Variants in GRID1 observed in about 807,000 individuals in gnomAD.
GRID1 encodes the protein glutamate ionotropic receptor delta type subunit 1, also known as glutamate receptor ionotropic, delta-1.
GRID1 carries 28 observed loss-of-function variants against 98.0 expected under a neutral mutation model. That is an observed-to-expected ratio of 0.29 (90% CI 0.21 to 0.39). The LOEUF is 0.39. GRID1 is among the 10% of genes least tolerant of loss of function. The pLI, the probability that GRID1 is intolerant of heterozygous loss-of-function variation, is 1.00. For missense variants in GRID1, 1,111 were observed against 1,340.5 expected, an observed-to-expected ratio of 0.83 and a Z score of 2.67; for synonymous variants, 553 against 538.5, an observed-to-expected ratio of 1.03 and a Z score of -0.37.
intron 4 of GRID1, among the ~76,000 whole-genome samples, chr10:85,934,413 GACACACACACACACAC>G (rs5786728): frequency 1.6e-4 from 23 of 141,506 alleles, no homozygotes; most frequent in African/African-American, 3.9e-4. Flanking sequence ...GCAGAGATTG[GACACACACACACACAC>G]ACACACACAC....
intron 4 of GRID1, among the ~76,000 whole-genome samples, chr10:86,026,404 A>G (rs2131890061): frequency 6.6e-6 from 1 of 152,334 alleles, no homozygotes; most frequent in East Asian, 1.9e-4. Context: ...CTGAACATAT[A>G]AATGATTTTC....
rs900922905 is a variant in GRID1, at chr10:85,939,890, A to C, written c.727-23651T>G. Among the ~76,000 whole-genome samples the C allele has an allele frequency of 3.9e-5, 6 of 152,012 alleles. No homozygotes were observed. In the South Asian group the frequency reaches 1.0e-3, roughly 26 times the overall value. ...AGACCAGCCTGGCCAACATGGTGAA[A>C]TCCCATCTCTACTAAAAATACAAAA... On this transcript the variant is annotated intron_variant, in intron 4 of 15. Transcript: ENST00000327946.
rs1160624788 is a variant in GRID1, at chr10:86,276,910, C to A, written c.236-70262G>T. On this transcript the variant is annotated intron_variant, in intron 2 of 15. Transcript: ENST00000327946. ...CTCAAGAGTTCTAAATCCAGCAATA[C>A]TGTCCTTTTTCAAAAGAGAGAGCCA... Among the ~76,000 whole-genome samples, 2 of 152,046 alleles carry A rather than the reference C, an allele frequency of 1.3e-5. 1 individual carries two copies. Among genetic ancestry groups the A allele is most frequent in the Admixed American group, 1.3e-4 (2 of 15,278 alleles).
In GRID1 at chr10:86,306,123, G is replaced by A. The variant is rs79859395; in HGVS notation, c.235+57818C>T. Among the ~76,000 whole-genome samples the A allele has an allele frequency of 7.2e-5, 11 of 152,324 alleles. No individual in the cohort carries two copies. The East Asian group carries it at 9.6e-4, about 13-fold the overall frequency. On this transcript the variant is annotated intron_variant, in intron 2 of 15. Transcript: ENST00000327946. Reference sequence around the variant, plus strand: ...AGAGGAGGAAAAGCCTTCAGGGATCGTTCCATCAAAACCCTTTAGTCAAGG... The same window carrying A: ...AGAGGAGGAAAAGCCTTCAGGGATCATTCCATCAAAACCCTTTAGTCAAGG...
intron 4 of GRID1, among the ~76,000 whole-genome samples, chr10:86,131,456 T>A (rs1301909653): frequency 6.6e-6 from 1 of 152,150 alleles, no homozygotes; most frequent in Non-Finnish European, 1.5e-5. Context: ...GAGCTGACAC[T>A]CTGCTCCGCT....
In GRID1 at chr10:85,713,277, T is replaced by G. The variant is rs910866275; in HGVS notation, c.1997+9726A>C. On this transcript the variant is annotated intron_variant, in intron 12 of 15. Coordinates refer to ENST00000327946, the MANE Select transcript of GRID1 (RefSeq NM_017551.3). ...GTCATAAGAGAACACTATAAACAAT[T>G]TTTCAACAGCAAACTGAATAATTTC... is the stretch of plus-strand genomic sequence containing the variant. 2.0e-5 allele frequency among the ~76,000 whole-genome samples: 3 copies of G among 151,732 alleles called. No homozygotes were observed. The East Asian group carries it at 5.8e-4, about 29-fold the overall frequency.
intron 2 of GRID1, among the ~76,000 whole-genome samples, chr10:86,331,440 T>C (rs1848141146): frequency 6.6e-6 from 1 of 152,174 alleles, no homozygotes; most frequent in Non-Finnish European, 1.5e-5. Flanking sequence ...CAGAGCAGTA[T>C]GTGGGCTTGG....
chr10:86,305,693 T>C (rs368047934), intron 2 of GRID1, among the ~76,000 whole-genome samples: 13 of 152,144 alleles, frequency 8.5e-5, no homozygotes, highest in African/African-American at 2.9e-4. Context: ...AACTGGGGAT[T>C]CCAATAAGGT....
chr10:86,274,392 G>A (rs1446161563), intron 2 of GRID1, among the ~76,000 whole-genome samples: 5 of 152,118 alleles, frequency 3.3e-5, no homozygotes, highest in South Asian at 4.1e-4. Flanking sequence ...TTGGCAAGGC[G>A]GGCTCTTTTT....
chr10:86,081,631 T>C (rs574043435), intron 4 of GRID1, among the ~76,000 whole-genome samples: 1 of 152,342 alleles, frequency 6.6e-6, no homozygotes, highest in South Asian at 2.1e-4. Flanking sequence ...TGTCCTTCAG[T>C]AAGTGAATGA....
chr10:86,152,723 G>T (rs962480147), intron 3 of GRID1, among the ~76,000 whole-genome samples: 11 of 152,164 alleles, frequency 7.2e-5, no homozygotes, highest in Admixed American at 6.5e-4. Flanking sequence ...CCACTGTGAG[G>T]GGCACACAGA....
intron 2 of GRID1, among the ~76,000 whole-genome samples, chr10:86,240,661 C>T (rs1178987162): frequency 6.6e-6 from 1 of 152,190 alleles, no homozygotes; most frequent in Non-Finnish European, 1.5e-5. Flanking sequence ...GAGAAGAGAC[C>T]AACTGCTCCC....
At chr10:85,999,045 T>C (rs1001835324) in intron 4 of GRID1, among the ~76,000 whole-genome samples, 1 of 151,876 alleles carries the variant, frequency 6.6e-6, no homozygotes, top group African/African-American at 2.4e-5. Flanking sequence ...AAACCCTGTC[T>C]CTACTAAAAA....
chr10:85,773,711 A>C (rs1383281268), intron 8 of GRID1, among the ~76,000 whole-genome samples: 1 of 152,196 alleles, frequency 6.6e-6, no homozygotes, highest in Non-Finnish European at 1.5e-5. Context: ...TCATGAGTGA[A>C]CTCTCATTTA....
chr10:86,224,514 T>A (rs1306740365), intron 2 of GRID1, among the ~76,000 whole-genome samples: 2 of 152,134 alleles, frequency 1.3e-5, no homozygotes, highest in African/African-American at 4.8e-5. Flanking sequence ...CAGGTTCTCA[T>A]GGGGACTGGG....
At chr10:86,004,058 C>G (rs1479678391) in intron 4 of GRID1, among the ~76,000 whole-genome samples, 1 of 152,222 alleles carries the variant, frequency 6.6e-6, no homozygotes, top group Non-Finnish European at 1.5e-5. Context: ...ATCCTCACTG[C>G]TACCCTGTAA....
Position 86,176,031 on chromosome 10 carries a change from G to A in GRID1, c.520+30333C>T, listed in dbSNP as rs552810264. Among the ~76,000 whole-genome samples, 3 of 152,244 alleles carry A rather than the reference G, an allele frequency of 2.0e-5. No homozygotes were observed. In the South Asian group the frequency reaches 6.2e-4, roughly 32 times the overall value. The stretch of plus-strand genomic sequence containing the variant: ...GCCTAATTTTTGTGTTTTTAGTAGA[G>A]ACGGGGTTTCACCATGTTGGCCAGG... On this transcript the variant is annotated intron_variant, in intron 3 of 15. Coordinates refer to ENST00000327946, the MANE Select transcript of GRID1 (RefSeq NM_017551.3).
chr10:86,292,060 T>G (rs1847520300), intron 2 of GRID1, among the ~76,000 whole-genome samples: 1 of 152,212 alleles, frequency 6.6e-6, no homozygotes, highest in Non-Finnish European at 1.5e-5. Context: ...GAGGAGGCAC[T>G]GGGGCCCACA....
At chr10:86,107,806 G>C (rs182753457) in intron 4 of GRID1, among the ~76,000 whole-genome samples, 2 of 152,112 alleles carry the variant, frequency 1.3e-5, no homozygotes, top group Non-Finnish European at 2.9e-5. Flanking sequence ...GCAGAACAAC[G>C]CAGAATTTGG....
Sources: allele counts gnomAD v4.1 joint callset (sites outside exome capture counted in the v4.1 genomes callset), GRCh38; gene constraint gnomAD v4.1.1; transcripts MANE v1.5; gene names NCBI Gene and HGNC (gene_info 2026-07-23, HGNC 2026-07-21).